ADAMTS19: variants seen among roughly 807,000 people sequenced by gnomAD.
ADAMTS19 encodes ADAM metallopeptidase with thrombospondin type 1 motif 19.
Under a neutral mutation model 153.3 loss-of-function variants are expected in ADAMTS19, and 93 were observed. The observed-to-expected ratio is 0.61, with a 90% CI of 0.51 to 0.72. The LOEUF is 0.72. Among genes scored for constraint, ADAMTS19 ranks in the 30% least tolerant of loss-of-function variants. ADAMTS19 has a pLI of 0.00. For missense variants in ADAMTS19, 1,482 were observed against 1,552.1 expected (o/e 0.95, Z 0.76); for synonymous variants, 600 against 556.6 (o/e 1.08, Z -1.10).
intron 21 of ADAMTS19, among the ~76,000 whole-genome samples, chr5:129,716,882 C>A (rs10075626): frequency 0.15 from 23,572 of 152,156 alleles, 2,046 homozygotes; most frequent in East Asian, 0.31. Flanking sequence ...TGGCTCAAAG[C>A]TTTCTGTATT....
intron 2 of ADAMTS19, among the ~76,000 whole-genome samples, chr5:129,508,681 A>C (rs776939651): frequency 2.6e-4 from 40 of 151,904 alleles, no homozygotes; most frequent in Non-Finnish European, 5.4e-4. Context: ...TACTTTATTA[A>C]ATAATGACTG....
At chr5:129,710,633 A>C (rs759435364) in intron 21 of ADAMTS19, among the ~76,000 whole-genome samples, 4 of 152,198 alleles carry the variant, frequency 2.6e-5, no homozygotes, top group Non-Finnish European at 5.9e-5. Context: ...GAACACCTTT[A>C]CACTGCCTTC....
chr5:129,719,448 C>G (rs1756878442), intron 21 of ADAMTS19, among the ~76,000 whole-genome samples: 1 of 152,120 alleles, frequency 6.6e-6, no homozygotes, highest in Non-Finnish European at 1.5e-5. Flanking sequence ...TATGACTTTT[C>G]TGAAGTCCTG....
intron 20 of ADAMTS19, 106 bp from the exon 21 acceptor site, chr5:129,704,133 G>A: frequency 8.7e-7 from 1 of 1,153,526 alleles, no homozygotes; most frequent in Non-Finnish European, 1.2e-6. Context: ...GGCTTTTATG[G>A]GTGATGGGCT....
At chr5:129,586,226 T>C (rs905224036) in intron 7 of ADAMTS19, among the ~76,000 whole-genome samples, 1 of 152,202 alleles carries the variant, frequency 6.6e-6, no homozygotes, top group Non-Finnish European at 1.5e-5. Flanking sequence ...TCTTGGTATT[T>C]TAAATTCTAT....
Position 129,461,023 on chromosome 5 carries a change from G to T in ADAMTS19, c.92-79G>T. The T allele has an allele frequency of 4.7e-6, 6 of 1,277,586 alleles. No individual in the cohort carries two copies. Among genetic ancestry groups the T allele is most frequent in the Non-Finnish European group, 4.9e-6 (5 of 1,014,560 alleles). The allele number at this position is 1,277,586 out of a possible 1,614,324, so 79.1% of individuals were successfully genotyped here. A position where few individuals can be genotyped will look rare whatever the true frequency, so the allele number is the denominator to read the frequency against. ...TTCAACGCGAGCGCCCTGTATCTAT[G>T]GACTGTGAGCTTGGAAATGTTTGTG... is the stretch of plus-strand genomic sequence containing the variant. On this transcript the variant is annotated intron_variant, in intron 1 of 22. Transcript: ENST00000274487. This position sits in a 1 kb window ranked among gnomAD's most constrained non-coding sequence, Gnocchi z 4.6.
intron 8 of ADAMTS19, among the ~76,000 whole-genome samples, chr5:129,612,691 C>T (rs1275756811): frequency 6.6e-6 from 1 of 152,044 alleles, no homozygotes; most frequent in Non-Finnish European, 1.5e-5. Flanking sequence ...CATAACGATA[C>T]TAACCTTTAA....
At chr5:129,704,428 C>T in intron 21 of ADAMTS19, 37 bp downstream of exon 21, 1 of 1,597,130 alleles carries the variant, frequency 6.3e-7, no homozygotes, top group Non-Finnish European at 8.5e-7. Context: ...TAATAGGTTT[C>T]AATAATGTCA....
At chr5:129,526,502 T>C in intron 4 of ADAMTS19, 46 bp downstream of exon 4, 1 of 1,524,718 alleles carries the variant, frequency 6.6e-7, no homozygotes. Flanking sequence ...AAGAAAACTC[T>C]AAGGAAGACA....
intron 22 of ADAMTS19, 119 bp downstream of exon 22, chr5:129,735,228 G>A: frequency 3.0e-6 from 3 of 1,012,858 alleles, no homozygotes; most frequent in Non-Finnish European, 4.0e-6. Context: ...ATTTTGGTTT[G>A]CACTAAATTG....
intron 22 of ADAMTS19, among the ~76,000 whole-genome samples, chr5:129,736,538 T>C (rs1757675151): frequency 2.0e-5 from 3 of 152,078 alleles, no homozygotes; most frequent in Non-Finnish European, 4.4e-5. Context: ...TCGCTTGTGA[T>C]GATATGCATT....
intron 8 of ADAMTS19, among the ~76,000 whole-genome samples, chr5:129,612,857 A>T (rs550718542): frequency 1.3e-5 from 2 of 152,288 alleles, no homozygotes; most frequent in African/African-American, 4.8e-5. Context: ...ACAAAGCAAA[A>T]TGGAAAACAA....
Position 129,587,210 on chromosome 5 carries a change from A to G in ADAMTS19, c.1373-9349A>G, listed in dbSNP as rs181638325. 7.2e-5 allele frequency among the ~76,000 whole-genome samples: 11 copies of G among 152,264 alleles called. No homozygotes were observed. The East Asian group carries it at 2.1e-3, about 29-fold the overall frequency. ...TTATAATCTACTACTAGAGATCATA[A>G]TCTACTAATCTCAAATACTGTAATT... On this transcript the variant is annotated intron_variant, in intron 7 of 22. Coordinates refer to ENST00000274487, the MANE Select transcript of ADAMTS19 (RefSeq NM_133638.6).
At chr5:129,609,434 T>TA (rs916321331) in intron 8 of ADAMTS19, among the ~76,000 whole-genome samples, 1 of 152,206 alleles carries the variant, frequency 6.6e-6, no homozygotes, top group African/African-American at 2.4e-5. Flanking sequence ...ATAGTTATTT[T>TA]ATGAATACCT....
chr5:129,592,377 CAAAAAAAA>C (rs1169388973), intron 7 of ADAMTS19, among the ~76,000 whole-genome samples: 1 of 79,568 alleles, frequency 1.3e-5, no homozygotes, highest in Middle Eastern at 0.011. Context: ...GTCTCCGTTT[CAAAAAAAA>C]AAAAAAAAAA....
chr5:129,734,976 A>G lies in ADAMTS19; in HGVS notation c.3357A>G (p.Gln1119=), dbSNP rs1397430785. 9 of 1,611,354 alleles carry G rather than the reference A, an allele frequency of 5.6e-6. No individual in the cohort carries two copies. In the Admixed American group the frequency reaches 1.0e-4, roughly 18 times the overall value. ...CGKGMQSRVI[Q]CMHKITGRHG... Reference sequence around the variant, plus strand: ...AAGGAATGCAGTCCCGTGTAATCCAATGCATGCATAAGATCACAGGAAGAC... The same window carrying G: ...AAGGAATGCAGTCCCGTGTAATCCAGTGCATGCATAAGATCACAGGAAGAC... The change falls in exon 22 of 23, where the codon CAA becomes CAG. Residue 1119 remains glutamine, a synonymous_variant. Transcript: ENST00000274487.
At chr5:129,571,512 G>A (rs114676545) in intron 7 of ADAMTS19, among the ~76,000 whole-genome samples, 305 of 151,660 alleles carry the variant, frequency 2.0e-3, no homozygotes, top group African/African-American at 6.9e-3. Context: ...ACAAAATGCC[G>A]ATGGGAGCAA....
At chr5:129,711,069 G>T (rs1561663713) in intron 21 of ADAMTS19, among the ~76,000 whole-genome samples, 1 of 152,152 alleles carries the variant, frequency 6.6e-6, no homozygotes, top group Non-Finnish European at 1.5e-5. Flanking sequence ...GGAGTCCAGA[G>T]TCCTAGTGAG....
intron 16 of ADAMTS19, among the ~76,000 whole-genome samples, chr5:129,675,887 G>A (rs1415751230): frequency 1.3e-5 from 2 of 151,990 alleles, no homozygotes; most frequent in African/African-American, 4.8e-5. Context: ...AAATTAGCTG[G>A]GCATGTGGCA....
Sources: allele counts gnomAD v4.1 joint callset (sites outside exome capture counted in the v4.1 genomes callset), GRCh38; gene constraint gnomAD v4.1.1; non-coding constraint Gnocchi (gnomAD v3.1); transcripts MANE v1.5; gene names NCBI Gene and HGNC (gene_info 2026-07-23, HGNC 2026-07-21).